TDRD12: variants seen among roughly 807,000 people sequenced by gnomAD.
TDRD12 encodes putative ATP-dependent RNA helicase TDRD12.
A neutral mutation model predicts 133.5 loss-of-function variants in TDRD12; 158 were observed. That is an observed-to-expected ratio of 1.18 (90% CI 1.04 to 1.35). The LOEUF (loss-of-function observed/expected upper bound fraction) is 1.35, where lower values mean the gene tolerates loss of function less well. Ranked by LOEUF, TDRD12 falls within the 40% of genes most tolerant of loss-of-function variation. The pLI, the probability that TDRD12 is intolerant of heterozygous loss-of-function variation, is 0.00. For synonymous variants in TDRD12, 460 were observed against 477.9 expected (o/e 0.96, Z 0.49); for missense variants, 1,443 against 1,321.3 (o/e 1.09, Z -1.43).
rs779847480 is a variant in TDRD12 at position 32,762,099 on chromosome 19, C to T, written c.865+4969C>T. 7.8e-4 allele frequency among the ~76,000 whole-genome samples: 119 copies of T among 152,204 alleles called. 1 individual carries two copies. Among genetic ancestry groups the T allele is most frequent in the African/African-American group, 2.7e-3 (111 of 41,548 alleles). On this transcript the variant is annotated intron_variant, in intron 8 of 27. Transcript: ENST00000444215. The stretch of plus-strand genomic sequence containing the variant: ...ATTTTGGATAACAATCCTTTTTTTA[C>T]ATGTGTCCTTTGCAAACATTTCCTC...
At chr19:32,734,621 C>T (rs530922606) in intron 2 of TDRD12, among the ~76,000 whole-genome samples, 1 of 151,700 alleles carries the variant, frequency 6.6e-6, no homozygotes, top group Non-Finnish European at 1.5e-5. Context: ...GATCTGCCCG[C>T]CTTGGCCTCC....
At chr19:32,793,141 G>A (rs1386112106) in intron 13 of TDRD12, among the ~76,000 whole-genome samples, 4 of 152,078 alleles carry the variant, frequency 2.6e-5, no homozygotes, top group African/African-American at 4.8e-5. Context: ...AGCCAAGATC[G>A]TGCCACTGCA....
intron 14 of TDRD12, among the ~76,000 whole-genome samples, chr19:32,795,425 G>A (rs1223433289): frequency 1.3e-5 from 2 of 151,954 alleles, no homozygotes; most frequent in Non-Finnish European, 2.9e-5. Context: ...ATCCATCACA[G>A]TAGCAGCATG....
At chr19:32,765,844 C>T (rs1970282465) in intron 8 of TDRD12, among the ~76,000 whole-genome samples, 2 of 148,086 alleles carry the variant, frequency 1.4e-5, no homozygotes, top group East Asian at 2.0e-4. Context: ...ACATATGTAA[C>T]AAACCTGCAC....
chr19:32,810,535 C>T (rs1966968178), intron 23 of TDRD12, among the ~76,000 whole-genome samples: 1 of 152,200 alleles, frequency 6.6e-6, no homozygotes, highest in Non-Finnish European at 1.5e-5. Flanking sequence ...TAATTCTTGC[C>T]AAGTTCCTAT....
At position 32,749,728 on chromosome 19, in the gene TDRD12, TG is replaced by T. The variant is rs1568457841; in HGVS notation, c.497-55del. 1.3e-5 allele frequency: 18 copies of T among 1,337,926 alleles called. No homozygotes were observed. The African/African-American group carries it at 2.5e-4, about 19-fold the overall frequency. The allele number at this position is 1,337,926 out of a possible 1,614,324, so 82.9% of individuals were successfully genotyped here. A position where few individuals can be genotyped will look rare whatever the true frequency, so the allele number is the denominator to read the frequency against. ...TTACTAGGTGGGAAATCGTCATGAT[TG>T]TTTCAAATATACTTTTAACATCAGC... On this transcript the variant is annotated intron_variant, in intron 5 of 27. Transcript: ENST00000444215.
intron 22 of TDRD12, among the ~76,000 whole-genome samples, chr19:32,808,469 A>G (rs577560621): frequency 1.1e-4 from 17 of 151,664 alleles, no homozygotes; most frequent in East Asian, 7.8e-4. Context: ...AGCCACTGTC[A>G]CTCTCTCTCC....
chr19:32,753,911 G>A (rs1969913489), intron 6 of TDRD12, among the ~76,000 whole-genome samples: 1 of 152,030 alleles, frequency 6.6e-6, no homozygotes, highest in South Asian at 2.1e-4. Context: ...TTCACATTAA[G>A]TAATTTCAGG....
chr19:32,800,351 TCCAACAGGTAA>T lies in TDRD12; in HGVS notation c.1945_1950+5del, dbSNP rs754184603. The T allele has an allele frequency of 6.6e-7, 1 of 1,512,526 alleles. No homozygotes were observed. Among genetic ancestry groups the T allele is most frequent in the South Asian group, 1.3e-5 (1 of 79,226 alleles). The allele number at this position is 1,512,526 out of a possible 1,614,324, so 93.7% of individuals were successfully genotyped here. On this transcript the variant is annotated splice_donor_variant and splice_donor_region_variant and coding_sequence_variant and intron_variant, in exon 17 of 28. Coordinates refer to ENST00000444215, the Ensembl canonical transcript of TDRD12. LOFTEE classifies it high-confidence loss of function. The stretch of plus-strand genomic sequence containing the variant: ...GAAGAGGCTGCTCTCTATGGCAATG[TCCAACAGGTAA>T]CTTTGTGTGTATGTGTATGTGTATG...
intron 8 of TDRD12, among the ~76,000 whole-genome samples, chr19:32,770,804 A>G (rs539594480): frequency 2.0e-5 from 3 of 152,358 alleles, no homozygotes; most frequent in African/African-American, 7.2e-5. Context: ...CATAGAATTG[A>G]ATCAGTTAAT....
At chr19:32,822,330 G>A (rs1475953159), downstream of TDRD12, among the ~76,000 whole-genome samples, 1 of 152,182 alleles carries the variant, frequency 6.6e-6, no homozygotes, top group African/African-American at 2.4e-5. Context: ...TACTTGGGAG[G>A]CTGAGGCAAT....
chr19:32,771,300 A>T (rs902529290), intron 8 of TDRD12, among the ~76,000 whole-genome samples: 25 of 152,158 alleles, frequency 1.6e-4, no homozygotes, highest in African/African-American at 5.8e-4. Flanking sequence ...CCTCCCAAGT[A>T]GCTGGGACTA....
At chr19:32,776,304 A>G (rs1970583433) in intron 10 of TDRD12, among the ~76,000 whole-genome samples, 1 of 152,198 alleles carries the variant, frequency 6.6e-6, no homozygotes, top group Non-Finnish European at 1.5e-5. Flanking sequence ...TTTGGACCAC[A>G]GCTCCCATCT....
At chr19:32,760,551 A>G (rs921654728) in intron 8 of TDRD12, among the ~76,000 whole-genome samples, 3 of 152,228 alleles carry the variant, frequency 2.0e-5, no homozygotes, top group Non-Finnish European at 2.9e-5. Flanking sequence ...TTCTTACCCC[A>G]GGATGTCCCC....
At chr19:32,779,625 G>C (rs1230047576) in intron 11 of TDRD12, among the ~76,000 whole-genome samples, 1 of 152,010 alleles carries the variant, frequency 6.6e-6, no homozygotes, top group Admixed American at 6.6e-5. Context: ...GTTTTGCTAA[G>C]GGCTTCTGGA....
At chr19:32,771,587 CT>C (rs78756152) in intron 8 of TDRD12, among the ~76,000 whole-genome samples, 12,230 of 143,246 alleles carry the variant, frequency 0.085, 481 homozygotes, top group Middle Eastern at 0.12. Context: ...TCCCAATCTC[CT>C]TTTTTTTTTT....
At chr19:32,758,527 A>G (rs1162204299) in intron 8 of TDRD12, among the ~76,000 whole-genome samples, 2 of 152,116 alleles carry the variant, frequency 1.3e-5, no homozygotes, top group Non-Finnish European at 2.9e-5. Context: ...TTTCTGCTTG[A>G]AAATTGGTTT....
intron 3 of TDRD12, among the ~76,000 whole-genome samples, chr19:32,742,159 CTTT>C (rs10692209): frequency 1.4e-5 from 2 of 144,288 alleles, no homozygotes; most frequent in Admixed American, 6.9e-5. Context: ...CCTTATTAGA[CTTT>C]TTTTTTTTTT....
At chr19:32,815,589 C>G (rs767371112) in exon 26 of TDRD12, 1 of 1,536,134 alleles carries the variant, frequency 6.5e-7, no homozygotes, top group Non-Finnish European at 8.7e-7. Context: ...TGCTAAGATA[C>G]CAGCTTGTGA....
Sources: gnomAD v4.1 joint callset for allele counts (sites outside exome capture counted in the v4.1 genomes callset) on GRCh38, gnomAD v4.1.1 for gene constraint, MANE v1.5 for transcripts, NCBI Gene and HGNC (gene_info 2026-07-23, HGNC 2026-07-21) for gene names.